Variants in UBE2V2 observed in about 807,000 individuals in gnomAD.
UBE2V2 encodes the protein ubiquitin conjugating enzyme E2 V2.
A neutral mutation model predicts 17.2 loss-of-function variants in UBE2V2; 9 were observed. That is an observed-to-expected ratio of 0.52 (90% CI 0.32 to 0.91). UBE2V2 has a LOEUF of 0.91. UBE2V2 is among the 40% of genes least tolerant of loss of function. UBE2V2 has a pLI of 0.04. For synonymous variants in UBE2V2, 61 were observed against 57.5 expected (o/e 1.06, Z -0.28); for missense variants, 133 against 182.6 (o/e 0.73, Z 1.56).
At position 48,064,424 on chromosome 8, in the gene UBE2V2, A is replaced by G. The variant is rs2154508468; in HGVS notation, c.*3596A>G. Reference sequence around the variant, plus strand: ...ATAAAAAGGAATGGATGAATTGTTGATAGGAACATTAGCAGTTAATTTTTA... The same window carrying G: ...ATAAAAAGGAATGGATGAATTGTTGGTAGGAACATTAGCAGTTAATTTTTA... On this transcript the variant is annotated 3_prime_UTR_variant, in exon 4 of 4. Coordinates refer to ENST00000523111, the MANE Select transcript of UBE2V2 (RefSeq NM_003350.3). 1 of 152,310 alleles carries G rather than the reference A, an allele frequency of 6.6e-6. No individual in the cohort carries two copies. Among genetic ancestry groups the G allele is most frequent in the South Asian group, 2.1e-4 (1 of 4,816 alleles). The allele number at this position is 152,310 out of a possible 1,614,324, so 9.4% of individuals were successfully genotyped here.
intron 3 of UBE2V2, 45 bp downstream of exon 3, chr8:48,050,023 G>C (rs2091525374): frequency 7.6e-7 from 1 of 1,317,246 alleles, no homozygotes; most frequent in Admixed American, 2.5e-5. Context: ...ATAATGTATA[G>C]AGTTATATAT....
intron 1 of UBE2V2, among the ~76,000 whole-genome samples, chr8:48,025,258 ATTTTC>A (rs1010322302): frequency 3.1e-5 from 4 of 130,990 alleles, no homozygotes; most frequent in East Asian, 2.4e-4. Context: ...TAAATCTGTG[ATTTTC>A]TTTTCTTTTC....
At chr8:48,038,832 CCAGGCTGGTGTTGAACT>C (rs1159856817) in intron 1 of UBE2V2, among the ~76,000 whole-genome samples, 1 of 151,884 alleles carries the variant, frequency 6.6e-6, no homozygotes, top group Non-Finnish European at 1.5e-5. Flanking sequence ...ACTGTGTTGA[CCAGGCTGGTGTTGAACT>C]CAAGTGATTT....
At chr8:48,042,623 A>G (rs1264420470) in intron 1 of UBE2V2, 1 of 152,346 alleles carries the variant, frequency 6.6e-6, no homozygotes, top group African/African-American at 2.4e-5. Flanking sequence ...GATGGAACAT[A>G]ATTCTACTCT....
intron 1 of UBE2V2, among the ~76,000 whole-genome samples, chr8:48,030,251 C>G (rs1010056092): frequency 6.6e-6 from 1 of 152,140 alleles, no homozygotes; most frequent in Admixed American, 6.5e-5. Flanking sequence ...ATTCTGTGTT[C>G]AGTATCAGCA....
At chr8:48,060,209 CAAAAAAAAAAAAA>C (rs557515958) in intron 3 of UBE2V2, among the ~76,000 whole-genome samples, 1 of 43,828 alleles carries the variant, frequency 2.3e-5, no homozygotes, top group African/African-American at 7.0e-5. Flanking sequence ...GACTCTGTCT[CAAAAAAAAAAAAA>C]AAAAAAAAAA....
chr8:48,001,458 G>A, the UBE2V2 span, among the ~76,000 whole-genome samples: 1 of 152,148 alleles, frequency 6.6e-6, no homozygotes, highest in Non-Finnish European at 1.5e-5. Context: ...AGATTAGCCA[G>A]ACATTGTGGC....
chr8:48,040,938 C>T (rs1342275356), intron 1 of UBE2V2, among the ~76,000 whole-genome samples: 1 of 144,006 alleles, frequency 6.9e-6, no homozygotes, highest in Non-Finnish European at 1.5e-5. Flanking sequence ...GATCTCGGCT[C>T]ACTGCAAGCT....
At chr8:48,023,429 T>C (rs1158331490) in intron 1 of UBE2V2, among the ~76,000 whole-genome samples, 3 of 151,822 alleles carry the variant, frequency 2.0e-5, no homozygotes, top group Non-Finnish European at 4.4e-5. Flanking sequence ...TTTGCCAGGC[T>C]GGTCTTGAAT....
chr8:48,005,857 T>A (rs1057469477), upstream of UBE2V2, among the ~76,000 whole-genome samples: 1 of 152,178 alleles, frequency 6.6e-6, no homozygotes, highest in Admixed American at 6.6e-5. Flanking sequence ...CACTTTTTGA[T>A]GGACTTATTT....
chr8:48,030,663 G>A (rs1191361139), intron 1 of UBE2V2, among the ~76,000 whole-genome samples: 2 of 152,180 alleles, frequency 1.3e-5, no homozygotes, highest in Non-Finnish European at 2.9e-5. Context: ...GGAGGTTGCA[G>A]TGAGTTGAGA....
At chr8:48,044,315 ATAT>A (rs966741790) in intron 2 of UBE2V2, among the ~76,000 whole-genome samples, 4 of 152,122 alleles carry the variant, frequency 2.6e-5, no homozygotes, top group African/African-American at 9.6e-5. Flanking sequence ...CTGCTGGCTA[ATAT>A]TTGTAGTTTT....
intron 1 of UBE2V2, among the ~76,000 whole-genome samples, chr8:48,027,934 A>T (rs947840279): frequency 2.6e-5 from 4 of 151,116 alleles, no homozygotes; most frequent in Non-Finnish European, 4.4e-5. Context: ...GCTCACTGCA[A>T]CCTCTGCCTC....
At chr8:48,031,931 TA>T (rs2091386098) in intron 1 of UBE2V2, among the ~76,000 whole-genome samples, 1 of 152,082 alleles carries the variant, frequency 6.6e-6, no homozygotes, top group Non-Finnish European at 1.5e-5. Flanking sequence ...CAGGTGTGAG[TA>T]AATTTTGTTT....
At chr8:48,031,717 G>A (rs1436052192) in intron 1 of UBE2V2, among the ~76,000 whole-genome samples, 1 of 152,056 alleles carries the variant, frequency 6.6e-6, no homozygotes, top group Non-Finnish European at 1.5e-5. Flanking sequence ...GTGCAGTGAT[G>A]TGATCTTGGC....
At chr8:48,040,862 T>C (rs2091457621) in intron 1 of UBE2V2, among the ~76,000 whole-genome samples, 1 of 140,420 alleles carries the variant, frequency 7.1e-6, no homozygotes, top group Non-Finnish European at 1.5e-5. Context: ...TTTTTTTTTT[T>C]TTTTGTGTGT....
chr8:48,006,350 T>A (rs1041354281), upstream of UBE2V2, among the ~76,000 whole-genome samples: 2 of 152,212 alleles, frequency 1.3e-5, no homozygotes, highest in Admixed American at 6.6e-5. Flanking sequence ...TTCTGAGGCC[T>A]CTGTTCTGTT....
At chr8:48,052,994 T>C (rs758547706) in intron 3 of UBE2V2, among the ~76,000 whole-genome samples, 10 of 151,960 alleles carry the variant, frequency 6.6e-5, no homozygotes, top group Non-Finnish European at 1.2e-4. Flanking sequence ...GCAACCTCCA[T>C]CTCCTGGGTT....
At chr8:48,008,688 G>C in intron 1 of UBE2V2, 1 of 400,712 alleles carries the variant, frequency 2.5e-6, no homozygotes, top group Non-Finnish European at 3.5e-6. Context: ...TCGGCCGCGC[G>C]CCGGCGGGCT....
Sources: allele counts gnomAD v4.1 joint callset (sites outside exome capture counted in the v4.1 genomes callset), GRCh38; gene constraint gnomAD v4.1.1; transcripts MANE v1.5; gene names NCBI Gene and HGNC (gene_info 2026-07-23, HGNC 2026-07-21).